The following FBXL5 variants were observed in gnomAD, a reference collection of about 807,000 sequenced individuals.
The protein encoded by FBXL5 is F-box/LRR-repeat protein 5.
Under a neutral mutation model 78.3 loss-of-function variants are expected in FBXL5, and 26 were observed. The observed-to-expected ratio is 0.33, with a 90% CI of 0.24 to 0.46. The LOEUF is 0.46. Among genes scored for constraint, FBXL5 ranks in the 20% least tolerant of loss-of-function variants. FBXL5 has a pLI of 1.00. For synonymous variants in FBXL5, 295 were observed against 282.5 expected, an observed-to-expected ratio of 1.04 and a Z score of -0.45; for missense variants, 710 against 829.2, an observed-to-expected ratio of 0.86 and a Z score of 1.77.
intron 9 of FBXL5, among the ~76,000 whole-genome samples, chr4:15,621,503 A>C (rs773653648): frequency 6.6e-6 from 1 of 152,244 alleles, no homozygotes; most frequent in African/African-American, 2.4e-5. Context: ...AGGTGGAAAC[A>C]ACCTCAGTGT....
intron 1 of FBXL5, among the ~76,000 whole-genome samples, chr4:15,672,775 A>C (rs1050959670): frequency 2.0e-5 from 3 of 152,214 alleles, no homozygotes; most frequent in African/African-American, 7.2e-5. Context: ...CTTCAACAGT[A>C]AATTTTTATT....
intron 1 of FBXL5, among the ~76,000 whole-genome samples, chr4:15,654,758 G>C (rs754593825): frequency 6.0e-4 from 92 of 152,216 alleles, no homozygotes; most frequent in Non-Finnish European, 9.8e-4. Flanking sequence ...GCCCCGAACA[G>C]GCCCGGGGGA....
At chr4:15,624,146 T>C (rs1010895053) in intron 9 of FBXL5, among the ~76,000 whole-genome samples, 7 of 152,104 alleles carry the variant, frequency 4.6e-5, no homozygotes, top group Non-Finnish European at 2.9e-5. Flanking sequence ...ATATTAAGTA[T>C]CTTTTCTAAT....
chr4:15,624,951 T>C (rs1712880442), intron 9 of FBXL5, among the ~76,000 whole-genome samples: 1 of 152,216 alleles, frequency 6.6e-6, no homozygotes, highest in South Asian at 2.1e-4. Context: ...AGAGTAAAAA[T>C]TGTACCTTCT....
chr4:15,612,444 G>A lies in FBXL5; in HGVS notation c.1851-30C>T, dbSNP rs199556631. 2.5e-4 allele frequency: 385 copies of A among 1,568,776 alleles called. 3 individuals are homozygous for A. The African/African-American group carries it at 5.2e-3, about 21-fold the overall frequency. ...AAGAAAAATAATTTGACAATTAGAA[G>A]ATACTAATCTATAAAAATGTTTGTA... is the stretch of plus-strand genomic sequence containing the variant. On this transcript the variant is annotated intron_variant, in intron 9 of 10. Transcript: ENST00000341285.
upstream of FBXL5, among the ~76,000 whole-genome samples, chr4:15,655,620 G>GA (rs1325004032): frequency 6.6e-6 from 1 of 152,210 alleles, no homozygotes; most frequent in African/African-American, 2.4e-5. Context: ...GAGGGTAGGG[G>GA]AAAGTCGTTG....
chr4:15,610,824 C>T (rs551776833), intron 10 of FBXL5, among the ~76,000 whole-genome samples: 1 of 151,932 alleles, frequency 6.6e-6, no homozygotes, highest in Non-Finnish European at 1.5e-5. Context: ...ATGCAACATA[C>T]AAATAAAATT....
At chr4:15,628,633 G>A (rs1713306171) in intron 6 of FBXL5, among the ~76,000 whole-genome samples, 1 of 152,052 alleles carries the variant, frequency 6.6e-6, no homozygotes, top group Admixed American at 6.6e-5. Flanking sequence ...AACATAAAAT[G>A]ATTTAACAGA....
At chr4:15,650,661 C>CTTTTTT (rs34334098) in intron 1 of FBXL5, among the ~76,000 whole-genome samples, 11 of 77,886 alleles carry the variant, frequency 1.4e-4, no homozygotes, top group African/African-American at 4.1e-4. Flanking sequence ...AACTGACTTT[C>CTTTTTT]TTTTTTTTTT....
intron 9 of FBXL5, among the ~76,000 whole-genome samples, chr4:15,620,510 A>G (rs889543931): frequency 1.4e-4 from 22 of 152,264 alleles, no homozygotes; most frequent in African/African-American, 5.3e-4. Flanking sequence ...GAAAACTCAC[A>G]CCTCTTGATT....
At chr4:15,671,959 T>C (rs1317925106) in intron 1 of FBXL5, among the ~76,000 whole-genome samples, 1 of 152,220 alleles carries the variant, frequency 6.6e-6, no homozygotes, top group Non-Finnish European at 1.5e-5. Flanking sequence ...AATTCTAACA[T>C]GTCACTTTTT....
chr4:15,611,440 A>G (rs1040052271), intron 10 of FBXL5, among the ~76,000 whole-genome samples: 5 of 152,072 alleles, frequency 3.3e-5, no homozygotes, highest in Admixed American at 1.3e-4. Flanking sequence ...AGACAGGTAC[A>G]TAGTAGTCTG....
chr4:15,681,261 C>G (rs879717423), intron 1 of FBXL5: 3 of 152,652 alleles, frequency 2.0e-5, no homozygotes, highest in Non-Finnish European at 4.4e-5. Flanking sequence ...AATTCTTCCA[C>G]AAAGACTATG....
At chr4:15,635,316 G>A (rs1444282470) in intron 5 of FBXL5, among the ~76,000 whole-genome samples, 2 of 146,410 alleles carry the variant, frequency 1.4e-5, no homozygotes, top group African/African-American at 5.1e-5. Flanking sequence ...CTAGGTGAGA[G>A]TAAAACCCCA....
At chr4:15,667,805 G>A (rs1407928042) in intron 1 of FBXL5, among the ~76,000 whole-genome samples, 1 of 152,164 alleles carries the variant, frequency 6.6e-6, no homozygotes, top group Admixed American at 6.5e-5. Flanking sequence ...ACTTTGGGAT[G>A]CCAATGTGGG....
At chr4:15,661,215 C>T (rs1179938550), upstream of FBXL5, among the ~76,000 whole-genome samples, 1 of 152,134 alleles carries the variant, frequency 6.6e-6, no homozygotes, top group African/African-American at 2.4e-5. Flanking sequence ...GGTGTTTCCC[C>T]TGTGTGCAAG....
chr4:15,635,215 C>A (rs975960847), intron 5 of FBXL5, among the ~76,000 whole-genome samples: 2 of 151,538 alleles, frequency 1.3e-5, no homozygotes, highest in African/African-American at 4.9e-5. Flanking sequence ...TGCCTGTAAT[C>A]GCAGCTACTT....
chr4:15,646,705 C>T (rs1028156087), intron 1 of FBXL5, among the ~76,000 whole-genome samples: 2 of 133,960 alleles, frequency 1.5e-5, no homozygotes, highest in African/African-American at 5.4e-5. Flanking sequence ...CTCCCCCCAC[C>T]CCACAACAGG....
intron 8 of FBXL5, among the ~76,000 whole-genome samples, chr4:15,626,538 A>G (rs1173691637): frequency 6.6e-6 from 1 of 152,234 alleles, no homozygotes; most frequent in Non-Finnish European, 1.5e-5. Flanking sequence ...ACTGTGAAGA[A>G]TCTAAGAGGG....
Sources: gnomAD v4.1 joint callset for allele counts (sites outside exome capture counted in the v4.1 genomes callset) on GRCh38, gnomAD v4.1.1 for gene constraint, MANE v1.5 for transcripts, NCBI Gene and HGNC (gene_info 2026-07-23, HGNC 2026-07-21) for gene names.